Variants in ZNRF2 observed in about 807,000 individuals in gnomAD.
ZNRF2 encodes E3 ubiquitin-protein ligase ZNRF2.
In ZNRF2, 16 loss-of-function variants were observed where a neutral mutation model predicts 20.4. The observed-to-expected ratio is 0.79, with a 90% CI of 0.53 to 1.19. The LOEUF (loss-of-function observed/expected upper bound fraction) is 1.19. ZNRF2 is among the 50% of genes most tolerant of loss of function. The pLI is 0.00. For synonymous variants in ZNRF2, 178 were observed against 144.9 expected, an observed-to-expected ratio of 1.23 and a Z score of -1.64; for missense variants, 363 against 332.4, an observed-to-expected ratio of 1.09 and a Z score of -0.72.
chr7:30,310,853 C>CCTGT (rs1799280508), intron 1 of ZNRF2, among the ~76,000 whole-genome samples: 1 of 151,230 alleles, frequency 6.6e-6, no homozygotes, highest in Non-Finnish European at 1.5e-5. Context: ...ACATCTGAGC[C>CCTGT]CCTGTCCTGT....
intron 1 of ZNRF2, among the ~76,000 whole-genome samples, chr7:30,294,159 CTCTAT>C (rs1469796404): frequency 1.3e-5 from 2 of 151,918 alleles, no homozygotes; most frequent in African/African-American, 4.8e-5. Context: ...CTACTGTTAC[CTCTAT>C]TCTGTTCGTT....
intron 1 of ZNRF2, among the ~76,000 whole-genome samples, chr7:30,310,700 A>G (rs373886119): frequency 7.2e-4 from 110 of 152,310 alleles, no homozygotes; most frequent in Middle Eastern, 3.4e-3. Flanking sequence ...CTGCAGACCT[A>G]TGTGGGGTAA....
intron 2 of ZNRF2, among the ~76,000 whole-genome samples, chr7:30,348,063 A>G (rs1799903933): frequency 6.6e-6 from 1 of 152,172 alleles, no homozygotes; most frequent in Non-Finnish European, 1.5e-5. Context: ...ATATACTAAT[A>G]AACATGCAAG....
intron 4 of ZNRF2, among the ~76,000 whole-genome samples, chr7:30,364,274 T>G (rs990730444): frequency 2.0e-5 from 3 of 152,208 alleles, no homozygotes; most frequent in Non-Finnish European, 4.4e-5. Context: ...CATGTGCATG[T>G]GAAATGTGGA....
chr7:30,329,387 C>T (rs1222698772), intron 2 of ZNRF2, among the ~76,000 whole-genome samples: 1 of 152,058 alleles, frequency 6.6e-6, no homozygotes, highest in Non-Finnish European at 1.5e-5. Flanking sequence ...GGTCTTATTC[C>T]TTTTATCTGA....
chr7:30,337,153 A>G (rs1392638019), intron 2 of ZNRF2, among the ~76,000 whole-genome samples: 1 of 152,154 alleles, frequency 6.6e-6, no homozygotes, highest in African/African-American at 2.4e-5. Flanking sequence ...TTTCATAACT[A>G]TGTTGTTTGC....
intron 1 of ZNRF2, among the ~76,000 whole-genome samples, chr7:30,300,148 C>CTTT (rs11312967): frequency 7.1e-5 from 8 of 113,028 alleles, no homozygotes; most frequent in East Asian, 2.6e-4. Flanking sequence ...GAATACAAGT[C>CTTT]TTTTTTTTTT....
At chr7:30,364,131 C>A (rs1800174052) in intron 4 of ZNRF2, among the ~76,000 whole-genome samples, 1 of 152,108 alleles carries the variant, frequency 6.6e-6, no homozygotes, top group African/African-American at 2.4e-5. Context: ...TAAACACCCT[C>A]AAGGAATTCT....
chr7:30,294,899 T>C (rs1798982954), intron 1 of ZNRF2, among the ~76,000 whole-genome samples: 1 of 151,686 alleles, frequency 6.6e-6, no homozygotes, highest in Admixed American at 6.6e-5. Flanking sequence ...TTTCAAATTA[T>C]TGAAAAGGAT....
chr7:30,323,503 A>G, intron 1 of ZNRF2, 139 bp from the exon 2 acceptor site: 1 of 491,426 alleles, frequency 2.0e-6, no homozygotes, highest in East Asian at 3.4e-5. Context: ...AATTTTCCTG[A>G]CTTGAGTTGC....
intron 2 of ZNRF2, among the ~76,000 whole-genome samples, chr7:30,335,962 T>C (rs1375778233): frequency 6.6e-6 from 1 of 152,120 alleles, no homozygotes; most frequent in East Asian, 1.9e-4. Flanking sequence ...TGGAAACGAC[T>C]TGAAGGTTAG....
rs908466161 is a variant in ZNRF2, at chr7:30,284,603, A to C, written c.-755A>C. On this transcript the variant is annotated 5_prime_UTR_variant, in exon 1 of 5. Transcript: ENST00000323037. The stretch of plus-strand genomic sequence containing the variant: ...GGGTCAACGCGCGCGACCCAAACAC[A>C]CGGGCCGGGCGCACCCTGCAGCCGC... 6.6e-6 allele frequency: 1 copy of C among 152,510 alleles called. No individual in the cohort carries two copies. Among genetic ancestry groups the C allele is most frequent in the Admixed American group, 6.6e-5 (1 of 15,266 alleles). The allele number at this position is 152,510 out of a possible 1,614,324, so 9.4% of individuals were successfully genotyped here.
At chr7:30,357,330 G>A (rs1371676467) in intron 3 of ZNRF2, among the ~76,000 whole-genome samples, 4 of 151,826 alleles carry the variant, frequency 2.6e-5, no homozygotes, top group African/African-American at 4.8e-5. Context: ...ACTACTATTA[G>A]ATGTCACTAA....
intron 2 of ZNRF2, among the ~76,000 whole-genome samples, chr7:30,347,658 AG>A (rs770378062): frequency 3.5e-4 from 53 of 152,336 alleles, no homozygotes; most frequent in Non-Finnish European, 3.8e-4. Context: ...GGCTGCAGTG[AG>A]CTGAGATTGT....
At chr7:30,295,056 T>A (rs796650245) in intron 1 of ZNRF2, among the ~76,000 whole-genome samples, 3,026 of 56,696 alleles carry the variant, frequency 0.053, 13 homozygotes, top group African/African-American at 0.079. Context: ...AGAGAGTGTG[T>A]GTGTGTGTGT....
Position 30,297,585 on chromosome 7 carries a change from G to C in ZNRF2, c.469+11759G>C, listed in dbSNP as rs552783383. ...AAATGTGTTGCCTTGTTGCCTTCTG[G>C]CTTCTAGTGTTGCTGTTGAGCACAT... On this transcript the variant is annotated intron_variant, in intron 1 of 4. Transcript: ENST00000323037. 1.4e-4 allele frequency among the ~76,000 whole-genome samples: 22 copies of C among 152,088 alleles called. No individual in the cohort carries two copies. In the East Asian group the frequency reaches 4.2e-3, roughly 29 times the overall value.
At chr7:30,306,070 AT>A (rs1350936688) in intron 1 of ZNRF2, among the ~76,000 whole-genome samples, 1 of 152,176 alleles carries the variant, frequency 6.6e-6, no homozygotes, top group Non-Finnish European at 1.5e-5. Flanking sequence ...AATAATAATA[AT>A]AGTAGCTACT....
At chr7:30,365,781 G>A (rs1422713287) in intron 4 of ZNRF2, among the ~76,000 whole-genome samples, 2 of 152,052 alleles carry the variant, frequency 1.3e-5, no homozygotes, top group Non-Finnish European at 2.9e-5. Context: ...TACTTATTTT[G>A]GGGTTTTTAG....
chr7:30,305,991 A>G (rs1307385973), intron 1 of ZNRF2, among the ~76,000 whole-genome samples: 1 of 152,188 alleles, frequency 6.6e-6, no homozygotes, highest in Non-Finnish European at 1.5e-5. Context: ...TTGGATCTGT[A>G]GCTGGGCCTT....
Sources: gnomAD v4.1 joint callset for allele counts (sites outside exome capture counted in the v4.1 genomes callset) on GRCh38, gnomAD v4.1.1 for gene constraint, MANE v1.5 for transcripts, NCBI Gene and HGNC (gene_info 2026-07-23, HGNC 2026-07-21) for gene names.